The following SLC25A48 variants were observed in gnomAD, a reference collection of about 807,000 sequenced individuals.
The protein encoded by SLC25A48 is solute carrier family 25 member 48, also known as CTC-321K16.1.
In SLC25A48, 29 loss-of-function variants were observed where a neutral mutation model predicts 32.2. The ratio of observed to expected loss-of-function variants is 0.90; its 90% CI spans 0.67 to 1.23. The LOEUF is 1.23. Ranked by LOEUF, SLC25A48 falls within the 50% of genes most tolerant of loss-of-function variation. SLC25A48 has a pLI of 0.00. For missense variants in SLC25A48, 399 were observed against 422.7 expected, an observed-to-expected ratio of 0.94 and a Z score of 0.49; for synonymous variants, 164 against 172.3, an observed-to-expected ratio of 0.95 and a Z score of 0.38.
chr5:135,707,067 C>A (rs761824567), intron 3 of SLC25A48, among the ~76,000 whole-genome samples: 2 of 152,110 alleles, frequency 1.3e-5, no homozygotes, highest in Non-Finnish European at 2.9e-5. Context: ...TGAGGCATGA[C>A]GAAGCCAGGG....
At chr5:135,830,148 C>T (rs1384268409), upstream of SLC25A48, among the ~76,000 whole-genome samples, 1 of 152,170 alleles carries the variant, frequency 6.6e-6, no homozygotes, top group African/African-American at 2.4e-5. Context: ...ATCTCCTCCA[C>T]GGCCCACACA....
intron 4 of SLC25A48, 146 bp downstream of exon 4, chr5:135,852,967 C>T (rs909337055): frequency 7.0e-6 from 8 of 1,137,886 alleles, no homozygotes; most frequent in Admixed American, 2.9e-5. Context: ...AGGCATACCT[C>T]GGAGACATGG....
At chr5:135,616,993 C>T (rs944499918) in intron 1 of SLC25A48, among the ~76,000 whole-genome samples, 1 of 150,940 alleles carries the variant, frequency 6.6e-6, no homozygotes, top group African/African-American at 2.5e-5. Flanking sequence ...GGAAGAATTT[C>T]CTCTTTTTTA....
intron 4 of SLC25A48, among the ~76,000 whole-genome samples, chr5:135,817,270 G>A (rs1014358633): frequency 6.6e-6 from 1 of 152,188 alleles, no homozygotes; most frequent in Non-Finnish European, 1.5e-5. Context: ...ACAATGGCCC[G>A]AAACAAAGAA....
At chr5:135,676,565 G>A (rs1392151590) in intron 3 of SLC25A48, among the ~76,000 whole-genome samples, 1 of 151,686 alleles carries the variant, frequency 6.6e-6, no homozygotes, top group Non-Finnish European at 1.5e-5. Context: ...TGTTTATTTG[G>A]AATCTTTCTT....
chr5:135,615,826 A>G (rs1485684062), intron 1 of SLC25A48, among the ~76,000 whole-genome samples: 1 of 152,248 alleles, frequency 6.6e-6, no homozygotes, highest in Non-Finnish European at 1.5e-5. Flanking sequence ...CTCTCATCCC[A>G]GGCCAAGAAG....
At chr5:135,861,370 A>C (rs1016029240) in intron 4 of SLC25A48, among the ~76,000 whole-genome samples, 1 of 152,120 alleles carries the variant, frequency 6.6e-6, no homozygotes. Context: ...TATGGTAAAA[A>C]TTAAGCTTCC....
chr5:135,616,910 T>C lies in SLC25A48; in HGVS notation c.-848-12327T>C, dbSNP rs374810713. Reference sequence around the variant, plus strand: ...TTCTATGTTCATCAGGGATATGACCTGTAGTTTACTTTTTTGTTGTGTCCT... The same window carrying C: ...TTCTATGTTCATCAGGGATATGACCCGTAGTTTACTTTTTTGTTGTGTCCT... On this transcript the variant is annotated intron_variant, in intron 1 of 10. Transcript: ENST00000646290. Among the ~76,000 whole-genome samples, 9 of 152,328 alleles carry C rather than the reference T, an allele frequency of 5.9e-5. No individual in the cohort carries two copies. In the East Asian group the frequency reaches 1.7e-3, roughly 29 times the overall value.
intron 3 of SLC25A48, among the ~76,000 whole-genome samples, chr5:135,668,825 A>G (rs1753582878): frequency 6.6e-6 from 1 of 152,244 alleles, no homozygotes. Context: ...AGAAATAGAT[A>G]ATGCAAAGAT....
At chr5:135,654,040 C>T (rs1753182965) in intron 3 of SLC25A48, 3 of 398,300 alleles carry the variant, frequency 7.5e-6, no homozygotes, top group East Asian at 1.4e-4. Context: ...CAGAGAGCCA[C>T]AGCCTGCTTA....
chr5:135,759,750 G>A lies in SLC25A48; in HGVS notation c.-520-52773G>A, dbSNP rs1376746102. Among the ~76,000 whole-genome samples the A allele has an allele frequency of 2.6e-5, 4 of 151,984 alleles. 1 individual carries two copies. The highest frequency in any genetic ancestry group is 2.0e-4 in the Admixed American group (3 of 15,244). On this transcript the variant is annotated intron_variant, in intron 3 of 10. Transcript: ENST00000646290. Reference sequence around the variant, plus strand: ...TAAAAGCAAATATCCTTCCATATACGCATCTGGGCATGTGTGAGAACTTCA... The same window carrying A: ...TAAAAGCAAATATCCTTCCATATACACATCTGGGCATGTGTGAGAACTTCA...
chr5:135,882,012 T>C (rs1762507772), intron 7 of SLC25A48, among the ~76,000 whole-genome samples: 1 of 152,226 alleles, frequency 6.6e-6, no homozygotes, highest in Admixed American at 6.5e-5. Flanking sequence ...GGTGATTAAC[T>C]GCTTCAGGAC....
At chr5:135,739,850 G>A (rs532396309) in intron 3 of SLC25A48, among the ~76,000 whole-genome samples, 1 of 152,114 alleles carries the variant, frequency 6.6e-6, no homozygotes, top group South Asian at 2.1e-4. Context: ...ACTGAATGGT[G>A]TGTTTTCCTT....
intron 4 of SLC25A48, among the ~76,000 whole-genome samples, chr5:135,865,726 G>C (rs772037063): frequency 1.3e-5 from 2 of 152,156 alleles, no homozygotes; most frequent in Admixed American, 6.5e-5. Flanking sequence ...TAGCAACAGA[G>C]GCAAGCCATA....
At chr5:135,625,331 C>T (rs1752419682) in intron 1 of SLC25A48, among the ~76,000 whole-genome samples, 1 of 152,054 alleles carries the variant, frequency 6.6e-6, no homozygotes, top group South Asian at 2.1e-4. Flanking sequence ...GCCCTGAGAA[C>T]AGATGAGGGG....
intron 7 of SLC25A48, among the ~76,000 whole-genome samples, chr5:135,884,043 C>T (rs1762639000): frequency 6.6e-6 from 1 of 152,194 alleles, no homozygotes; most frequent in Admixed American, 6.5e-5. Context: ...GTGGCAGCCA[C>T]CACCAGCCGT....
Position 135,735,057 on chromosome 5 carries a change from C to T in SLC25A48, c.-520-77466C>T, listed in dbSNP as rs375998393. Among the ~76,000 whole-genome samples, 194 of 152,222 alleles carry T rather than the reference C, an allele frequency of 1.3e-3. 1 individual carries two copies. The highest frequency in any genetic ancestry group is 4.2e-3 in the African/African-American group (173 of 41,538). On this transcript the variant is annotated intron_variant, in intron 3 of 10. Transcript: ENST00000646290. ...GAAAGTCCGATTTCCAGTGGGGTCC[C>T]GCACAGATGGGACACGGCTTAGGAG...
intron 3 of SLC25A48, chr5:135,649,152 C>T (rs1481637895): frequency 6.6e-6 from 1 of 152,204 alleles, no homozygotes; most frequent in Non-Finnish European, 1.5e-5. Flanking sequence ...TAGCGGGAAC[C>T]CTGTCCTGTG....
At position 135,854,827 on chromosome 5, in the gene SLC25A48, C is replaced by T. The variant is rs902591932; in HGVS notation, c.421+2006C>T. Among the ~76,000 whole-genome samples, 29 of 152,210 alleles carry T rather than the reference C, an allele frequency of 1.9e-4. 1 individual carries two copies. Among genetic ancestry groups the T allele is most frequent in the African/African-American group, 5.3e-4 (22 of 41,450 alleles). ...AGAGGCTTAGCTTTTGACCTGTCTCCGCTTTCAACATGACTTCCTCACTAA... is the reference window on the plus strand; with the variant it reads ...AGAGGCTTAGCTTTTGACCTGTCTCTGCTTTCAACATGACTTCCTCACTAA... On this transcript the variant is annotated intron_variant, in intron 4 of 7. Coordinates refer to ENST00000681962, the MANE Select transcript of SLC25A48 (RefSeq NM_001349336.2).
Sources: gnomAD v4.1 joint callset for allele counts (sites outside exome capture counted in the v4.1 genomes callset) on GRCh38, gnomAD v4.1.1 for gene constraint, MANE v1.5 for transcripts, NCBI Gene and HGNC (gene_info 2026-07-23, HGNC 2026-07-21) for gene names.